PRKN: variants seen among roughly 807,000 people sequenced by gnomAD.
PRKN encodes parkin RBR E3 ubiquitin protein ligase, also known as E3 ubiquitin-protein ligase parkin.
A neutral mutation model predicts 59.5 loss-of-function variants in PRKN; 56 were observed. That is an observed-to-expected ratio of 0.94 (90% CI 0.76 to 1.18). The LOEUF (loss-of-function observed/expected upper bound fraction) is 1.18, where lower values mean the gene tolerates loss of function less well. Ranked by LOEUF, PRKN falls within the 50% of genes most tolerant of loss-of-function variation. PRKN has a pLI of 0.00. For missense variants in PRKN, 657 were observed against 596.4 expected (o/e 1.10, Z -1.06); for synonymous variants, 250 against 222.1 (o/e 1.13, Z -1.12).
intron 1 of PRKN, among the ~76,000 whole-genome samples, chr6:162,626,488 G>C (rs1440581085): frequency 6.6e-6 from 1 of 152,062 alleles, no homozygotes; most frequent in Admixed American, 6.6e-5. Context: ...GAAAGAAACA[G>C]AATACTTTAT....
intron 6 of PRKN, among the ~76,000 whole-genome samples, chr6:161,914,697 T>A (rs1187976352): frequency 6.6e-6 from 1 of 152,012 alleles, no homozygotes; most frequent in Admixed American, 6.6e-5. Flanking sequence ...GTTGGTACCA[T>A]GCAAACACTG....
chr6:162,572,052 C>A (rs1229640163), intron 1 of PRKN, among the ~76,000 whole-genome samples: 1 of 151,980 alleles, frequency 6.6e-6, no homozygotes, highest in African/African-American at 2.4e-5. Flanking sequence ...TTTGACTATC[C>A]CCCATCTCAT....
intron 2 of PRKN, among the ~76,000 whole-genome samples, chr6:162,291,621 A>G (rs1437554318): frequency 6.6e-6 from 1 of 152,180 alleles, no homozygotes; most frequent in Non-Finnish European, 1.5e-5. Context: ...TTCTTGAGCC[A>G]AACATGAAAG....
chr6:161,745,839 T>C (rs1788391965), intron 7 of PRKN, among the ~76,000 whole-genome samples: 2 of 152,334 alleles, frequency 1.3e-5, no homozygotes, highest in South Asian at 4.1e-4. Flanking sequence ...AGCATGATTG[T>C]TGCAGCCTGG....
intron 4 of PRKN, among the ~76,000 whole-genome samples, chr6:162,164,053 G>C (rs1412701626): frequency 6.7e-6 from 1 of 149,248 alleles, no homozygotes; most frequent in Non-Finnish European, 1.5e-5. Flanking sequence ...GTGAGGTTGA[G>C]GAAGCCTGCC....
At chr6:162,518,675 T>A (rs1777966334) in intron 1 of PRKN, among the ~76,000 whole-genome samples, 1 of 152,196 alleles carries the variant, frequency 6.6e-6, no homozygotes, top group Non-Finnish European at 1.5e-5. Context: ...CCAGCAAATT[T>A]AAATAATGAG....
rs1330260959 is a variant in PRKN at position 161,569,370 on chromosome 6, A to C, written c.918T>G (p.Ile306Met). 6.2e-7 allele frequency: 1 copy of C among 1,613,732 alleles called. No homozygotes were observed. The highest frequency in any genetic ancestry group is 8.5e-7 in the Non-Finnish European group (1 of 1,179,748). The change falls in exon 8 of 12, where the codon ATT becomes ATG. Residue 306 changes from isoleucine (I) to methionine (M), a missense_variant. Transcript: ENST00000366898. Reference protein sequence around the residue: ...SLIKELHHFRILGEEQYNRYQ... With the variant: ...SLIKELHHFRMLGEEQYNRYQ... ...GCTCACTCACCTGCTCTTCTCCCAG[A>C]ATCCTGAAGTGATGGAGCTCTTTAA...
intron 5 of PRKN, among the ~76,000 whole-genome samples, chr6:162,009,986 G>T (rs78050521): frequency 0.016 from 2,464 of 151,332 alleles, 120 homozygotes; most frequent in African/African-American, 0.058. Context: ...TGTAAAAGTT[G>T]TTTATAACTT....
At chr6:161,862,533 T>TAAA (rs1793943301) in intron 6 of PRKN, among the ~76,000 whole-genome samples, 1 of 152,092 alleles carries the variant, frequency 6.6e-6, no homozygotes, top group South Asian at 2.1e-4. Context: ...ATGAATGGAC[T>TAAA]AAAGACCAAA....
intron 7 of PRKN, among the ~76,000 whole-genome samples, chr6:161,610,746 G>A (rs998429274): frequency 1.3e-5 from 2 of 152,096 alleles, no homozygotes; most frequent in Non-Finnish European, 2.9e-5. Context: ...GCTATCAGCT[G>A]TGCACAGTGC....
At chr6:161,565,561 C>T (rs1243729688) in intron 8 of PRKN, among the ~76,000 whole-genome samples, 2 of 152,162 alleles carry the variant, frequency 1.3e-5, no homozygotes, top group East Asian at 1.9e-4. Context: ...GGCATTTCCC[C>T]TGCTTGCACT....
chr6:162,557,639 G>T (rs757489575), intron 1 of PRKN, among the ~76,000 whole-genome samples: 2 of 152,140 alleles, frequency 1.3e-5, no homozygotes, highest in African/African-American at 2.4e-5. Flanking sequence ...CTCCCGAGTA[G>T]CTGGGATTAT....
At chr6:161,426,702 G>A (rs1583052420) in intron 9 of PRKN, among the ~76,000 whole-genome samples, 1 of 129,954 alleles carries the variant, frequency 7.7e-6, no homozygotes, top group Non-Finnish European at 1.7e-5. Flanking sequence ...TCCCTCTGGA[G>A]AACCCTAATA....
At position 161,480,479 on chromosome 6, in the gene PRKN, T is replaced by G. The variant is rs891983329; in HGVS notation, c.1083+68375A>C. Among the ~76,000 whole-genome samples the G allele has an allele frequency of 2.5e-4, 38 of 152,192 alleles. No homozygotes were observed. Among genetic ancestry groups the G allele is most frequent in the Non-Finnish European group, 4.4e-4 (30 of 68,028 alleles). On this transcript the variant is annotated intron_variant, in intron 9 of 11. Transcript: ENST00000366898. The surrounding 1 kb of genome is among the most constrained non-coding windows in gnomAD (Gnocchi z 4.1). Reference sequence around the variant, plus strand: ...AAATTGAGAGCTTAAACAGCTTGCTTAAAATAGCAGACTCACAAAATGCCA... The same window carrying G: ...AAATTGAGAGCTTAAACAGCTTGCTGAAAATAGCAGACTCACAAAATGCCA...
chr6:161,674,247 C>T lies in PRKN; in HGVS notation c.872-104831G>A, dbSNP rs573908713. On this transcript the variant is annotated intron_variant, in intron 7 of 11. Coordinates refer to ENST00000366898, the MANE Select transcript of PRKN (RefSeq NM_004562.3). ...TCCTAAGTATGAACTGAAGGCTTATCAGCTGTCAACATAGTAGACTGGCTG... is the reference window on the plus strand; with the variant it reads ...TCCTAAGTATGAACTGAAGGCTTATTAGCTGTCAACATAGTAGACTGGCTG... Among the ~76,000 whole-genome samples the T allele has an allele frequency of 2.0e-5, 3 of 152,122 alleles. No homozygotes were observed. The South Asian group carries it at 6.2e-4, about 32-fold the overall frequency.
At chr6:162,632,636 T>C (rs1331864870) in intron 1 of PRKN, among the ~76,000 whole-genome samples, 1 of 151,966 alleles carries the variant, frequency 6.6e-6, no homozygotes, top group Non-Finnish European at 1.5e-5. Flanking sequence ...TACTCCTGTA[T>C]CTAAGATAAA....
intron 2 of PRKN, among the ~76,000 whole-genome samples, chr6:162,345,636 A>C (rs563239531): frequency 4.6e-4 from 70 of 152,340 alleles, no homozygotes; most frequent in African/African-American, 1.7e-3. Flanking sequence ...ATGGTAGCTT[A>C]GAAAAATCAC....
intron 3 of PRKN, among the ~76,000 whole-genome samples, chr6:162,217,532 G>T (rs953862790): frequency 6.6e-6 from 1 of 152,038 alleles, no homozygotes; most frequent in South Asian, 2.1e-4. Context: ...TTACAGGCGT[G>T]TGCCACCACA....
chr6:162,475,660 T>C (rs1791971830), intron 1 of PRKN, among the ~76,000 whole-genome samples: 1 of 152,212 alleles, frequency 6.6e-6, no homozygotes, highest in South Asian at 2.1e-4. Context: ...GGGCTGCGTG[T>C]GCAATGCGGC....
Sources: allele counts gnomAD v4.1 joint callset (sites outside exome capture counted in the v4.1 genomes callset), GRCh38; gene constraint gnomAD v4.1.1; non-coding constraint Gnocchi (gnomAD v3.1); transcripts MANE v1.5; gene names NCBI Gene and HGNC (gene_info 2026-07-23, HGNC 2026-07-21).